The following PDE10A variants were observed in gnomAD, a reference collection of about 807,000 sequenced individuals.
The protein encoded by PDE10A is cAMP and cAMP-inhibited cGMP 3',5'-cyclic phosphodiesterase 10A.
Under a neutral mutation model 97.7 loss-of-function variants are expected in PDE10A, and 39 were observed. The observed-to-expected ratio is 0.40, with a 90% CI of 0.31 to 0.52. The LOEUF is 0.52. PDE10A is among the 20% of genes least tolerant of loss of function. The pLI is 0.56. For missense variants in PDE10A, 731 were observed against 1,047.8 expected (o/e 0.70, Z 4.17); for synonymous variants, 371 against 376.8 (o/e 0.98, Z 0.18).
intron 1 of PDE10A, among the ~76,000 whole-genome samples, chr6:165,955,236 G>A (rs1583342375): frequency 6.6e-6 from 1 of 152,296 alleles, no homozygotes; most frequent in Middle Eastern, 3.4e-3. Context: ...GGTTGGAGGT[G>A]CACAGAGGAC....
intron 2 of PDE10A, among the ~76,000 whole-genome samples, chr6:165,497,477 A>G (rs1780607862): frequency 6.6e-6 from 1 of 152,236 alleles, no homozygotes; most frequent in Non-Finnish European, 1.5e-5. Context: ...ATATTTACAT[A>G]TGATGATATC....
At chr6:165,339,747 T>C (rs776647889) in intron 19 of PDE10A, among the ~76,000 whole-genome samples, 7 of 152,228 alleles carry the variant, frequency 4.6e-5, no homozygotes, top group Non-Finnish European at 8.8e-5. Flanking sequence ...GAAGTTTGGC[T>C]TTCCAGAGGA....
chr6:165,472,028 T>C (rs1007042276), intron 3 of PDE10A, among the ~76,000 whole-genome samples: 2 of 152,212 alleles, frequency 1.3e-5, no homozygotes, highest in African/African-American at 2.4e-5. Context: ...TTTAAATAAC[T>C]TGAGATGAGT....
At chr6:165,971,040 C>T (rs986491069) in intron 1 of PDE10A, among the ~76,000 whole-genome samples, 8 of 151,772 alleles carry the variant, frequency 5.3e-5, no homozygotes, top group African/African-American at 1.2e-4. Context: ...CCCAATTACT[C>T]GGAAGGCTGA....
chr6:165,911,806 G>C (rs1262740819), intron 1 of PDE10A, among the ~76,000 whole-genome samples: 3 of 152,144 alleles, frequency 2.0e-5, no homozygotes, highest in Non-Finnish European at 4.4e-5. Context: ...CACCAGAGGA[G>C]CACAGAGCCA....
At chr6:165,934,152 C>CTTTT (rs778137427) in intron 1 of PDE10A, among the ~76,000 whole-genome samples, 1 of 109,168 alleles carries the variant, frequency 9.2e-6, no homozygotes, top group African/African-American at 3.9e-5. Flanking sequence ...CCTGGCTGAT[C>CTTTT]TTTTTTTTTT....
chr6:165,951,555 C>T (rs946392218), intron 1 of PDE10A, among the ~76,000 whole-genome samples: 4 of 152,140 alleles, frequency 2.6e-5, no homozygotes, highest in African/African-American at 9.7e-5. Flanking sequence ...TTCTGCACCA[C>T]TCACGACGTA....
intron 1 of PDE10A, chr6:165,894,284 A>T (rs1257571201): frequency 2.2e-6 from 1 of 456,088 alleles, no homozygotes; most frequent in Non-Finnish European, 4.4e-6. Flanking sequence ...AAGCCCGAGA[A>T]GATGTGTTGA....
chr6:165,406,020 A>T (rs1787117093), intron 13 of PDE10A, among the ~76,000 whole-genome samples: 2 of 152,190 alleles, frequency 1.3e-5, no homozygotes, highest in South Asian at 4.1e-4. Context: ...TGGAACGAAC[A>T]AATGTCCATG....
intron 1 of PDE10A, among the ~76,000 whole-genome samples, chr6:165,902,784 T>C (rs1226578538): frequency 6.6e-6 from 1 of 152,174 alleles, no homozygotes; most frequent in African/African-American, 2.4e-5. Context: ...ATATGTCTTC[T>C]CCACACTCAT....
At chr6:165,954,105 A>G (rs1366580739) in intron 1 of PDE10A, among the ~76,000 whole-genome samples, 1 of 152,242 alleles carries the variant, frequency 6.6e-6, no homozygotes, top group Non-Finnish European at 1.5e-5. Flanking sequence ...AATGCTGGAT[A>G]ATATTCCACT....
At chr6:165,950,532 C>T (rs776006089) in intron 1 of PDE10A, among the ~76,000 whole-genome samples, 156 of 152,192 alleles carry the variant, frequency 1.0e-3, no homozygotes, top group Non-Finnish European at 8.2e-4. Context: ...GAAGGCTTTG[C>T]CAGCTCTGCT....
At chr6:165,552,645 G>A (rs550505428) in intron 1 of PDE10A, among the ~76,000 whole-genome samples, 1 of 152,264 alleles carries the variant, frequency 6.6e-6, no homozygotes, top group African/African-American at 2.4e-5. Flanking sequence ...ATCCTCGGAA[G>A]CCTGTGCCAA....
chr6:165,392,718 C>T lies in PDE10A; in HGVS notation c.2382G>A (p.Lys794=), dbSNP rs367765405. Residue 794 remains lysine (K), a synonymous_variant, in exon 16 of 22, where the codon AAG becomes AAA. Coordinates refer to ENST00000539869, the MANE Select transcript of PDE10A (RefSeq NM_001385079.1). ...NYRRVPYHNW[K]HAVTVAHCMY... ...TGCAGTGTGCTACAGTGACCGCATG[C>T]TTCCAGTTGTGATAAGGAACCCGCC... 1.2e-6 allele frequency: 2 copies of T among 1,613,778 alleles called. No individual in the cohort carries two copies. The highest frequency in any genetic ancestry group is 2.2e-5 in the South Asian group (2 of 91,070).
chr6:165,423,320 T>C (rs1200520494), intron 10 of PDE10A, among the ~76,000 whole-genome samples: 2 of 152,202 alleles, frequency 1.3e-5, no homozygotes, highest in African/African-American at 4.8e-5. Flanking sequence ...ATAAAGTACC[T>C]ACAAATTTAT....
intron 2 of PDE10A, among the ~76,000 whole-genome samples, chr6:165,507,512 T>C (rs1781267160): frequency 6.6e-6 from 1 of 152,106 alleles, no homozygotes; most frequent in Non-Finnish European, 1.5e-5. Context: ...AGTATCCAAC[T>C]ACACCAAGCC....
At chr6:165,976,278 T>C (rs564096697) in intron 1 of PDE10A, among the ~76,000 whole-genome samples, 60 of 152,332 alleles carry the variant, frequency 3.9e-4, no homozygotes, top group African/African-American at 1.2e-3. Flanking sequence ...CCAGTGATTT[T>C]AGGCTGAATC....
chr6:165,906,019 CCCT>C (rs1782262039), intron 1 of PDE10A, among the ~76,000 whole-genome samples: 1 of 23,652 alleles, frequency 4.2e-5, no homozygotes, highest in African/African-American at 2.2e-4. Context: ...TTCCTTCCCT[CCCT>C]CCCTTCCTTC....
Position 165,377,822 on chromosome 6 carries a change from C to T in PDE10A, c.2783+1372G>A, listed in dbSNP as rs796781597. On this transcript the variant is annotated intron_variant, in intron 18 of 21. Transcript: ENST00000539869. ...TTGGAGACATAAAGACTGTAGACCA[C>T]ACTTCTCATGTGGGCTGAAGGAAAA... Among the ~76,000 whole-genome samples the T allele has an allele frequency of 1.1e-4, 16 of 152,292 alleles. 1 individual carries two copies. The highest frequency in any genetic ancestry group is 3.4e-4 in the African/African-American group (14 of 41,572).
Sources: gnomAD v4.1 joint callset for allele counts (sites outside exome capture counted in the v4.1 genomes callset) on GRCh38, gnomAD v4.1.1 for gene constraint, MANE v1.5 for transcripts, NCBI Gene and HGNC (gene_info 2026-07-23, HGNC 2026-07-21) for gene names.